Variants in BRD10 observed in about 807,000 individuals in gnomAD.
The protein encoded by BRD10 is uncharacterized bromodomain-containing protein 10.
chr9:5,917,335 C>G, the BRD10 span, among the ~76,000 whole-genome samples: 4 of 152,138 alleles, frequency 2.6e-5, no homozygotes, highest in African/African-American at 4.8e-5. Flanking sequence ...CTGGGAAGAC[C>G]TTCAAGTGTC....
chr9:5,929,232 A>T, the BRD10 span: 5 of 815,418 alleles, frequency 6.1e-6, no homozygotes, highest in Non-Finnish European at 1.0e-5. Flanking sequence ...TTTCTGAGTA[A>T]AATACAAAAA....
At chr9:5,993,505 TAGGA>T in the BRD10 span, among the ~76,000 whole-genome samples, 19 of 151,740 alleles carry the variant, frequency 1.3e-4, no homozygotes, top group Middle Eastern at 3.4e-3. Context: ...TGAGAGAAAA[TAGGA>T]AGGGATAGTG....
the BRD10 span, among the ~76,000 whole-genome samples, chr9:5,942,099 G>T: frequency 6.6e-6 from 1 of 151,986 alleles, no homozygotes; most frequent in Non-Finnish European, 1.5e-5. Flanking sequence ...GATAATAAAA[G>T]AATTGTTTTG....
the BRD10 span, among the ~76,000 whole-genome samples, chr9:5,989,235 T>TAAAAAAAAAAAA: frequency 2.2e-5 from 1 of 46,164 alleles, no homozygotes; most frequent in Non-Finnish European, 3.8e-5. Context: ...TCTGTCTCAT[T>TAAAAAAAAAAAA]AAAAAAAAAA....
At chr9:5,971,404 G>A in the BRD10 span, among the ~76,000 whole-genome samples, 3 of 152,068 alleles carry the variant, frequency 2.0e-5, no homozygotes, top group South Asian at 2.1e-4. Context: ...TTGTCCACAC[G>A]ACAGCTTGTA....
At chr9:5,906,779 G>A in the BRD10 span, 1 of 665,446 alleles carries the variant, frequency 1.5e-6, no homozygotes, top group South Asian at 2.2e-5. Context: ...GTAAGTGGCA[G>A]AACCTAGATT....
At chr9:5,939,711 G>A in the BRD10 span, among the ~76,000 whole-genome samples, 10 of 152,172 alleles carry the variant, frequency 6.6e-5, no homozygotes, top group Non-Finnish European at 1.0e-4. Flanking sequence ...GCAAATACAG[G>A]CTTTTACCAG....
chr9:5,918,004 G>A, the BRD10 span, among the ~76,000 whole-genome samples: 1 of 152,212 alleles, frequency 6.6e-6, no homozygotes, highest in Non-Finnish European at 1.5e-5. Context: ...TGTTTTAAAA[G>A]CTGAGTAGGT....
chr9:5,931,364 A>G, the BRD10 span, among the ~76,000 whole-genome samples: 1 of 152,352 alleles, frequency 6.6e-6, no homozygotes, highest in Admixed American at 6.5e-5. Flanking sequence ...GTTGAATTAC[A>G]ATATTAATTT....
At chr9:5,964,390 CAA>C in the BRD10 span, among the ~76,000 whole-genome samples, 2 of 151,950 alleles carry the variant, frequency 1.3e-5, no homozygotes, top group Non-Finnish European at 2.9e-5. Flanking sequence ...GGCAATCATT[CAA>C]AAGTCAGGAA....
the BRD10 span, chr9:5,968,684 T>C: frequency 6.2e-7 from 1 of 1,613,904 alleles, no homozygotes; most frequent in Non-Finnish European, 8.5e-7. Context: ...TGTACTAACA[T>C]AGTCACACTT....
chr9:5,940,773 T>C, the BRD10 span, among the ~76,000 whole-genome samples: 1 of 152,170 alleles, frequency 6.6e-6, no homozygotes, highest in Non-Finnish European at 1.5e-5. Flanking sequence ...TTGTGCTCAA[T>C]ATGTATAGCT....
At chr9:5,908,781 T>A in the BRD10 span, 1 of 1,408,684 alleles carries the variant, frequency 7.1e-7, no homozygotes, top group Non-Finnish European at 1.0e-6. Context: ...TACAGACATC[T>A]AATGTTCTCC....
At chr9:5,896,955 A>C in the BRD10 span, among the ~76,000 whole-genome samples, 5 of 152,238 alleles carry the variant, frequency 3.3e-5, no homozygotes, top group African/African-American at 1.2e-4. Context: ...CACGAACATA[A>C]TTGAGACGGA....
chr9:5,981,638 ATCT>A, the BRD10 span, among the ~76,000 whole-genome samples: 8 of 151,826 alleles, frequency 5.3e-5, no homozygotes, highest in Middle Eastern at 3.4e-3. Flanking sequence ...CTATCTATCT[ATCT>A]ATCTATTTTA....
At chr9:5,949,260 A>C in the BRD10 span, among the ~76,000 whole-genome samples, 1 of 152,122 alleles carries the variant, frequency 6.6e-6, no homozygotes, top group Admixed American at 6.6e-5. Context: ...TGATAGAGGA[A>C]ACCACAGAGA....
the BRD10 span, chr9:5,924,953 T>G: frequency 1.3e-6 from 1 of 782,626 alleles, no homozygotes; most frequent in Non-Finnish European, 1.8e-6. Context: ...TTTTATTAAG[T>G]CACTAGAAAT....
the BRD10 span, among the ~76,000 whole-genome samples, chr9:5,904,562 T>C: frequency 6.6e-6 from 1 of 152,128 alleles, no homozygotes; most frequent in Non-Finnish European, 1.5e-5. Flanking sequence ...CACCTCTGCC[T>C]CCCAGGTTCA....
the BRD10 span, among the ~76,000 whole-genome samples, chr9:5,934,493 G>A: frequency 6.6e-6 from 1 of 151,162 alleles, no homozygotes; most frequent in East Asian, 1.9e-4. Flanking sequence ...CTAGTAGCTA[G>A]AATTACAGAT....
Sources: gnomAD v4.1 joint callset for allele counts (sites outside exome capture counted in the v4.1 genomes callset) on GRCh38, gnomAD v4.1.1 for gene constraint, MANE v1.5 for transcripts, NCBI Gene and HGNC (gene_info 2026-07-23, HGNC 2026-07-21) for gene names.